RNF182: variants seen among roughly 807,000 people sequenced by gnomAD.
RNF182 encodes the protein E3 ubiquitin-protein ligase RNF182.
Under a neutral mutation model 14.4 loss-of-function variants are expected in RNF182, and 15 were observed. The observed-to-expected ratio is 1.04, with a 90% CI of 0.70 to 1.60. The LOEUF is 1.60. RNF182 is among the 40% of genes most tolerant of loss of function. The pLI, the probability that RNF182 is intolerant of heterozygous loss-of-function variation, is 0.00. For synonymous variants in RNF182, 128 were observed against 122.9 expected (o/e 1.04, Z -0.27); for missense variants, 268 against 294.8 (o/e 0.91, Z 0.67).
intron 1 of RNF182, among the ~76,000 whole-genome samples, chr6:13,935,060 A>G (rs973553524): frequency 2.0e-5 from 3 of 152,070 alleles, no homozygotes; most frequent in African/African-American, 7.2e-5. Context: ...TTGTGTAGAG[A>G]TGGTCTGGGA....
At chr6:13,951,937 A>G (rs1255337612) in intron 1 of RNF182, among the ~76,000 whole-genome samples, 1 of 152,202 alleles carries the variant, frequency 6.6e-6, no homozygotes, top group Non-Finnish European at 1.5e-5. Flanking sequence ...ATCACCCAGC[A>G]TCAACCTGGC....
chr6:13,976,510 G>C (rs1760329911), intron 2 of RNF182, among the ~76,000 whole-genome samples: 3 of 152,074 alleles, frequency 2.0e-5, no homozygotes, highest in African/African-American at 7.2e-5. Flanking sequence ...TAGACACCTG[G>C]TATTTACACC....
At position 13,972,327 on chromosome 6, in the gene RNF182, G is replaced by T. The variant is rs1318545583; in HGVS notation, c.-366-1883G>T. ...CTCAAAAAAAAAAAAAAAAAGCAGG[G>T]CATAAAAGTTGAGAAAATTTGCAGC... is the stretch of plus-strand genomic sequence containing the variant. On this transcript the variant is annotated intron_variant, in intron 1 of 2. Coordinates refer to ENST00000488300, the MANE Select transcript of RNF182 (RefSeq NM_152737.4). 3.3e-5 allele frequency among the ~76,000 whole-genome samples: 5 copies of T among 151,594 alleles called. No homozygotes were observed. In the South Asian group the frequency reaches 1.0e-3, roughly 32 times the overall value.
chr6:13,949,018 A>C lies in RNF182; in HGVS notation c.-367+23995A>C. 4.1e-6 allele frequency: 2 copies of C among 485,810 alleles called. 1 individual carries two copies. Among genetic ancestry groups the C allele is most frequent in the South Asian group, 7.4e-5 (2 of 26,940 alleles). The allele number at this position is 485,810 out of a possible 1,614,324, so 30.1% of individuals were successfully genotyped here. Reference sequence around the variant, plus strand: ...AAAATCATACGGACAAAATCTACTCACTCCTAATCAGTTTGACCATAAAGT... The same window carrying C: ...AAAATCATACGGACAAAATCTACTCCCTCCTAATCAGTTTGACCATAAAGT... On this transcript the variant is annotated intron_variant, in intron 1 of 2. Coordinates refer to ENST00000488300, the MANE Select transcript of RNF182 (RefSeq NM_152737.4).
chr6:13,975,025 A>T (rs1041035), intron 2 of RNF182, among the ~76,000 whole-genome samples: 52,160 of 152,008 alleles, frequency 0.34, 9,319 homozygotes, highest in East Asian at 0.44. Flanking sequence ...GGGTGGGCTG[A>T]AGTCTGTGTG....
chr6:13,974,502 T>TA (rs749995093), intron 2 of RNF182, 138 bp downstream of exon 2: 6 of 152,208 alleles, frequency 3.9e-5, no homozygotes, highest in Non-Finnish European at 8.8e-5. Context: ...AGTAATCTGA[T>TA]AGAGTATTTC....
rs770225110 is a variant in RNF182, at chr6:13,950,806, A to AT, written c.-366-23396dup. 6.7e-5 allele frequency among the ~76,000 whole-genome samples: 10 copies of AT among 148,884 alleles called. No homozygotes were observed. The South Asian group carries it at 1.7e-3, about 25-fold the overall frequency. ...GCCACCACACCTGCACTCCCCCTTT[A>AT]TTTTTTTTGAGATAGAGTCTTGTTC... is the stretch of plus-strand genomic sequence containing the variant. On this transcript the variant is annotated intron_variant, in intron 1 of 2. Transcript: ENST00000488300.
At chr6:13,933,848 T>C (rs1203841577) in intron 1 of RNF182, among the ~76,000 whole-genome samples, 1 of 151,864 alleles carries the variant, frequency 6.6e-6, no homozygotes, top group African/African-American at 2.4e-5. Flanking sequence ...TGAAACCCCG[T>C]CTCCACTAAA....
At chr6:13,961,806 G>A (rs1157958762) in intron 1 of RNF182, among the ~76,000 whole-genome samples, 1 of 152,044 alleles carries the variant, frequency 6.6e-6, no homozygotes, top group African/African-American at 2.4e-5. Context: ...AATTGTTGAG[G>A]GAGGCTTTCT....
chr6:13,969,105 T>TTTG (rs57502789), intron 1 of RNF182, among the ~76,000 whole-genome samples: 52,237 of 151,056 alleles, frequency 0.35, 9,202 homozygotes, highest in Non-Finnish European at 0.38. Flanking sequence ...GTCTCTGTTT[T>TTTG]TTGTTGTTGT....
intron 1 of RNF182, among the ~76,000 whole-genome samples, chr6:13,971,381 C>A (rs903644576): frequency 5.3e-5 from 8 of 152,132 alleles, no homozygotes; most frequent in Non-Finnish European, 1.2e-4. Flanking sequence ...GATTGTGAGG[C>A]CTCCCCAGCC....
At chr6:13,942,958 G>A (rs1001571415) in intron 1 of RNF182, among the ~76,000 whole-genome samples, 22 of 152,216 alleles carry the variant, frequency 1.4e-4, no homozygotes, top group African/African-American at 5.3e-4. Context: ...AGCATTCAAT[G>A]ATCTTAGTTA....
At chr6:13,969,439 A>G (rs1051155590) in intron 1 of RNF182, among the ~76,000 whole-genome samples, 2 of 152,140 alleles carry the variant, frequency 1.3e-5, no homozygotes, top group Non-Finnish European at 2.9e-5. Flanking sequence ...GGGAGGTACT[A>G]TGATTAGCAC....
intron 1 of RNF182, among the ~76,000 whole-genome samples, chr6:13,957,531 G>A (rs17686881): frequency 0.013 from 1,967 of 152,314 alleles, 15 homozygotes; most frequent in Non-Finnish European, 0.02. Context: ...CTGAGTCCGA[G>A]TACGGTTGGA....
chr6:13,958,290 G>C (rs1344091871), intron 1 of RNF182, among the ~76,000 whole-genome samples: 2 of 152,064 alleles, frequency 1.3e-5, no homozygotes, highest in Non-Finnish European at 2.9e-5. Context: ...GGAGGCTGAA[G>C]CAGGAGAATC....
intron 1 of RNF182, among the ~76,000 whole-genome samples, chr6:13,926,791 G>GTTTT (rs59699777): frequency 6.7e-6 from 1 of 148,186 alleles, no homozygotes; most frequent in Non-Finnish European, 1.5e-5. Context: ...GTGTGTGTGT[G>GTTTT]TTTTTTTTTT....
At chr6:13,966,045 G>A (rs968904770) in intron 1 of RNF182, among the ~76,000 whole-genome samples, 10 of 152,156 alleles carry the variant, frequency 6.6e-5, no homozygotes, top group African/African-American at 2.4e-4. Context: ...ACAAATACAA[G>A]TTTTAAGCTT....
chr6:13,964,586 CCT>C (rs1259513797), intron 1 of RNF182, among the ~76,000 whole-genome samples: 1 of 152,148 alleles, frequency 6.6e-6, no homozygotes, highest in Non-Finnish European at 1.5e-5. Flanking sequence ...CCAGCAGACC[CCT>C]GAGTGCAAGT....
chr6:13,929,703 C>T (rs1369545102), intron 1 of RNF182, among the ~76,000 whole-genome samples: 4 of 152,186 alleles, frequency 2.6e-5, no homozygotes, highest in Admixed American at 2.0e-4. Context: ...AATATGATCA[C>T]TTTCTGTTAC....
Sources: gnomAD v4.1 joint callset for allele counts (sites outside exome capture counted in the v4.1 genomes callset) on GRCh38, gnomAD v4.1.1 for gene constraint, MANE v1.5 for transcripts, NCBI Gene and HGNC (gene_info 2026-07-23, HGNC 2026-07-21) for gene names.